HPSE2: variants seen among roughly 807,000 people sequenced by gnomAD.
HPSE2 encodes heparanase 2 (inactive).
HPSE2 carries 38 observed loss-of-function variants against 60.5 expected under a neutral mutation model. The ratio of observed to expected loss-of-function variants is 0.63; its 90% CI spans 0.48 to 0.82. The LOEUF is 0.82. HPSE2 is among the 40% of genes least tolerant of loss of function. HPSE2 has a pLI of 0.00. For synonymous variants in HPSE2, 295 were observed against 293.2 expected, an observed-to-expected ratio of 1.01 and a Z score of -0.06; for missense variants, 713 against 740.4, an observed-to-expected ratio of 0.96 and a Z score of 0.43.
Position 98,870,825 on chromosome 10 carries a change from G to A in HPSE2, c.611-126769C>T, listed in dbSNP as rs374076239. On this transcript the variant is annotated intron_variant, in intron 3 of 11. Coordinates refer to ENST00000370552, the MANE Select transcript of HPSE2 (RefSeq NM_021828.5). The stretch of plus-strand genomic sequence containing the variant: ...TTGGAGCTAGGACTTGGTAGGACAA[G>A]TGGTTGAATCATGGAGGCAGATCCC... 3.9e-5 allele frequency among the ~76,000 whole-genome samples: 6 copies of A among 152,082 alleles called. No individual in the cohort carries two copies. In the East Asian group the frequency reaches 1.2e-3, roughly 30 times the overall value.
chr10:98,633,506 C>A (rs553734), intron 7 of HPSE2, among the ~76,000 whole-genome samples: 35,405 of 152,034 alleles, frequency 0.23, 4,286 homozygotes, highest in Admixed American at 0.32. Flanking sequence ...AGCTGCCACG[C>A]CCAGCCCATG....
At chr10:99,234,834 G>A (rs1471846852) in intron 1 of HPSE2, among the ~76,000 whole-genome samples, 1 of 151,856 alleles carries the variant, frequency 6.6e-6, no homozygotes. Flanking sequence ...AGTTACCGCA[G>A]GAGATTTAAG....
intron 9 of HPSE2, among the ~76,000 whole-genome samples, chr10:98,608,921 T>C (rs934852553): frequency 4.6e-5 from 7 of 152,226 alleles, no homozygotes; most frequent in African/African-American, 7.2e-5. Flanking sequence ...GTCTGTAGCT[T>C]TGAAATTCTT....
intron 3 of HPSE2, among the ~76,000 whole-genome samples, chr10:99,116,160 T>C (rs1432845344): frequency 1.3e-5 from 2 of 151,978 alleles, no homozygotes; most frequent in East Asian, 3.9e-4. Flanking sequence ...AGTGATTCTT[T>C]GCATTTTATT....
At chr10:99,016,641 A>T (rs563635722) in intron 3 of HPSE2, among the ~76,000 whole-genome samples, 1 of 152,304 alleles carries the variant, frequency 6.6e-6, no homozygotes, top group South Asian at 2.1e-4. Flanking sequence ...TTTTAACCAT[A>T]TTGATTCTTC....
intron 6 of HPSE2, among the ~76,000 whole-genome samples, chr10:98,667,920 T>G (rs1947409900): frequency 6.6e-6 from 1 of 152,108 alleles, no homozygotes; most frequent in Non-Finnish European, 1.5e-5. Flanking sequence ...GTATTGGAAG[T>G]CCCAGCTAGA....
At chr10:98,990,172 C>T (rs892386824) in intron 3 of HPSE2, among the ~76,000 whole-genome samples, 9 of 152,206 alleles carry the variant, frequency 5.9e-5, no homozygotes, top group Non-Finnish European at 1.3e-4. Flanking sequence ...TTAATTGTCA[C>T]TTGCCATTTG....
intron 3 of HPSE2, among the ~76,000 whole-genome samples, chr10:99,011,948 T>TA (rs979152749): frequency 6.6e-6 from 1 of 151,896 alleles, no homozygotes; most frequent in South Asian, 2.1e-4. Context: ...TTTACATAAA[T>TA]AAAAAATCTC....
intron 3 of HPSE2, among the ~76,000 whole-genome samples, chr10:98,864,757 A>G (rs1952547293): frequency 6.6e-6 from 1 of 152,270 alleles, no homozygotes; most frequent in Non-Finnish European, 1.5e-5. Context: ...TTTTTCTTTG[A>G]CATTCATTGT....
At chr10:99,019,642 C>T (rs1957217424) in intron 3 of HPSE2, among the ~76,000 whole-genome samples, 1 of 152,112 alleles carries the variant, frequency 6.6e-6, no homozygotes, top group African/African-American at 2.4e-5. Flanking sequence ...CCAGTTTCTT[C>T]AGGTGGTTTT....
At chr10:99,293,164 A>G in the HPSE2 span, among the ~76,000 whole-genome samples, 5 of 152,312 alleles carry the variant, frequency 3.3e-5, no homozygotes, top group Middle Eastern at 3.4e-3. Flanking sequence ...AAATTGTCAT[A>G]AAATCTTAAC....
intron 2 of HPSE2, among the ~76,000 whole-genome samples, chr10:99,206,560 CAAAA>C (rs768456472): frequency 1.1e-5 from 1 of 88,980 alleles, no homozygotes; most frequent in Non-Finnish European, 2.3e-5. Context: ...GACCCTGTCT[CAAAA>C]AAAAAAAAAA....
intron 3 of HPSE2, among the ~76,000 whole-genome samples, chr10:98,985,111 C>T (rs1956308259): frequency 1.3e-5 from 2 of 152,160 alleles, no homozygotes; most frequent in Admixed American, 6.5e-5. Context: ...GCAAGGCACG[C>T]CAACATTCAG....
chr10:98,565,542 C>T (rs371895226), intron 9 of HPSE2, among the ~76,000 whole-genome samples: 71 of 152,248 alleles, frequency 4.7e-4, no homozygotes, highest in Middle Eastern at 6.8e-3. Context: ...TTCCATGGTG[C>T]ATATGTACCA....
chr10:98,517,736 C>T (rs6584212), intron 9 of HPSE2, among the ~76,000 whole-genome samples: 2,872 of 152,186 alleles, frequency 0.019, 36 homozygotes, highest in Middle Eastern at 0.045. Flanking sequence ...AAAAGCATGG[C>T]GTTTGGAGTC....
At chr10:98,583,984 G>A (rs1351232393) in intron 9 of HPSE2, among the ~76,000 whole-genome samples, 1 of 152,116 alleles carries the variant, frequency 6.6e-6, no homozygotes, top group Non-Finnish European at 1.5e-5. Flanking sequence ...ACAGGCTTTT[G>A]TGTGGACATG....
chr10:99,255,411 T>C, the HPSE2 span, among the ~76,000 whole-genome samples: 2 of 152,008 alleles, frequency 1.3e-5, no homozygotes, highest in Non-Finnish European at 2.9e-5. Context: ...GAAAAAGATA[T>C]TAGAAAAAAA....
At chr10:99,185,979 T>TA (rs911479712) in intron 2 of HPSE2, among the ~76,000 whole-genome samples, 1 of 151,792 alleles carries the variant, frequency 6.6e-6, no homozygotes, top group African/African-American at 2.4e-5. Flanking sequence ...ATTGGAATCC[T>TA]AAAAGGCAAA....
intron 3 of HPSE2, among the ~76,000 whole-genome samples, chr10:99,123,591 G>A (rs1220230147): frequency 6.6e-6 from 1 of 152,160 alleles, no homozygotes; most frequent in Non-Finnish European, 1.5e-5. Flanking sequence ...AGCTCTTTCA[G>A]TCCCACCATT....
Sources: gnomAD v4.1 joint callset for allele counts (sites outside exome capture counted in the v4.1 genomes callset) on GRCh38, gnomAD v4.1.1 for gene constraint, MANE v1.5 for transcripts, NCBI Gene and HGNC (gene_info 2026-07-23, HGNC 2026-07-21) for gene names.